Variants in SLC35F1 observed in about 807,000 individuals in gnomAD.
SLC35F1 encodes solute carrier family 35 member F1.
SLC35F1 carries 14 observed loss-of-function variants against 48.7 expected under a neutral mutation model. That is an observed-to-expected ratio of 0.29 (90% confidence interval 0.19 to 0.45). The LOEUF is 0.45. SLC35F1 is among the 20% of genes least tolerant of loss of function. The pLI, the probability that SLC35F1 is intolerant of heterozygous loss-of-function variation, is 1.00. For missense variants in SLC35F1, 404 were observed against 500.0 expected (o/e 0.81, Z 1.83); for synonymous variants, 190 against 202.2 (o/e 0.94, Z 0.51).
At chr6:118,249,316 A>C (rs1775544383) in intron 3 of SLC35F1, among the ~76,000 whole-genome samples, 1 of 152,226 alleles carries the variant, frequency 6.6e-6, no homozygotes, top group South Asian at 2.1e-4. Flanking sequence ...TATCCTGCCC[A>C]GGAGCTGTTC....
intron 1 of SLC35F1, among the ~76,000 whole-genome samples, chr6:118,049,165 A>G (rs1384778120): frequency 6.6e-6 from 1 of 152,208 alleles, no homozygotes; most frequent in Non-Finnish European, 1.5e-5. Context: ...AGCCAAACGT[A>G]GAAAGCTGAA....
chr6:118,025,364 T>G (rs755262135), intron 1 of SLC35F1, among the ~76,000 whole-genome samples: 2 of 152,194 alleles, frequency 1.3e-5, no homozygotes, highest in Non-Finnish European at 2.9e-5. Flanking sequence ...AAAAGTACCC[T>G]TTTTGTCACA....
chr6:118,074,015 A>T lies in SLC35F1; in HGVS notation c.174-80430A>T, dbSNP rs190466582. 3.3e-4 allele frequency among the ~76,000 whole-genome samples: 51 copies of T among 152,328 alleles called. No homozygotes were observed. The East Asian group carries it at 9.4e-3, about 28-fold the overall frequency. The stretch of plus-strand genomic sequence containing the variant: ...AATTGAAAAATGTTTCCTGTTGATT[A>T]TATAAACTCAATTACTTTAGCTTTT... On this transcript the variant is annotated intron_variant, in intron 1 of 7. Transcript: ENST00000360388.
chr6:118,286,805 T>TGTGTGTGTGTGTGTTTG (rs1562351393), intron 7 of SLC35F1, among the ~76,000 whole-genome samples: 6 of 144,104 alleles, frequency 4.2e-5, no homozygotes, highest in African/African-American at 1.6e-4. Flanking sequence ...GTGTGTGTGT[T>TGTGTGTGTGTGTGTTTG]TGTGTGTGTG....
rs7740116 is a variant in SLC35F1 at position 118,259,030 on chromosome 6, T to C, written c.478-7965T>C. On this transcript the variant is annotated intron_variant, in intron 3 of 7. Coordinates refer to ENST00000360388, the MANE Select transcript of SLC35F1 (RefSeq NM_001029858.4). ...AAATAAATATTTAAACCCATAATTT[T>C]TTTAAAGCTATAAAAAATTTTCAAC... 3.9e-3 allele frequency among the ~76,000 whole-genome samples: 585 copies of C among 151,890 alleles called. 6 individuals are homozygous for C. The highest frequency in any genetic ancestry group is 9.0e-3 in the Admixed American group (138 of 15,252).
At chr6:117,912,472 G>A (rs771445551) in intron 1 of SLC35F1, among the ~76,000 whole-genome samples, 2 of 152,182 alleles carry the variant, frequency 1.3e-5, no homozygotes, top group Non-Finnish European at 2.9e-5. Flanking sequence ...CATACAGTTG[G>A]TGGAAACATA....
intron 1 of SLC35F1, among the ~76,000 whole-genome samples, chr6:118,084,655 G>A (rs1772958852): frequency 6.6e-6 from 1 of 152,082 alleles, no homozygotes; most frequent in South Asian, 2.1e-4. Context: ...GGTTTCAAAG[G>A]TAGGTGATCC....
intron 2 of SLC35F1, among the ~76,000 whole-genome samples, chr6:118,229,978 A>G (rs1775266586): frequency 6.6e-6 from 1 of 152,128 alleles, no homozygotes; most frequent in South Asian, 2.1e-4. Context: ...CATTTGCCAT[A>G]CTCTACAGTC....
chr6:118,313,504 A>G (rs1776394456), intron 7 of SLC35F1, among the ~76,000 whole-genome samples: 1 of 152,220 alleles, frequency 6.6e-6, no homozygotes. Context: ...TCTTGCAAAG[A>G]TATTTACCAA....
At chr6:118,054,835 G>A (rs1772441011) in intron 1 of SLC35F1, among the ~76,000 whole-genome samples, 1 of 151,690 alleles carries the variant, frequency 6.6e-6, no homozygotes, top group Non-Finnish European at 1.5e-5. Context: ...TGGAGGCAGT[G>A]GCGCGATCTC....
At chr6:117,923,697 A>G (rs1294925021) in intron 1 of SLC35F1, among the ~76,000 whole-genome samples, 1 of 97,300 alleles carries the variant, frequency 1.0e-5, no homozygotes, top group African/African-American at 3.9e-5. Flanking sequence ...ATATGTACAT[A>G]TACATATATG....
chr6:118,106,147 C>T (rs2114373868), intron 1 of SLC35F1, among the ~76,000 whole-genome samples: 1 of 152,182 alleles, frequency 6.6e-6, no homozygotes, highest in African/African-American at 2.4e-5. Flanking sequence ...TGGTACCTGT[C>T]CTCTCCTCCT....
At chr6:118,203,130 T>C (rs1774891851) in intron 2 of SLC35F1, among the ~76,000 whole-genome samples, 1 of 152,228 alleles carries the variant, frequency 6.6e-6, no homozygotes, top group South Asian at 2.1e-4. Flanking sequence ...ATGACTGAGT[T>C]GAGAGTTTCC....
intron 1 of SLC35F1, among the ~76,000 whole-genome samples, chr6:118,047,184 A>G (rs1772313310): frequency 6.6e-6 from 1 of 152,178 alleles, no homozygotes; most frequent in Non-Finnish European, 1.5e-5. Flanking sequence ...TACGCCATCA[A>G]TTCCAACTGA....
intron 1 of SLC35F1, among the ~76,000 whole-genome samples, chr6:117,979,507 A>T (rs899606188): frequency 6.6e-6 from 1 of 152,228 alleles, no homozygotes; most frequent in African/African-American, 2.4e-5. Context: ...CCTAACCTGC[A>T]TCTAGAAAAT....
chr6:118,183,418 C>T (rs1774610834), intron 2 of SLC35F1, among the ~76,000 whole-genome samples: 1 of 151,796 alleles, frequency 6.6e-6, no homozygotes, highest in Non-Finnish European at 1.5e-5. Flanking sequence ...TGCAGCACAC[C>T]AGCATGGCAC....
chr6:118,022,896 G>A (rs985895798), intron 1 of SLC35F1, among the ~76,000 whole-genome samples: 4 of 151,942 alleles, frequency 2.6e-5, no homozygotes, highest in African/African-American at 7.3e-5. Flanking sequence ...GACTACAGGC[G>A]TGTACCACTA....
intron 1 of SLC35F1, among the ~76,000 whole-genome samples, chr6:117,990,820 G>A (rs1423411199): frequency 1.3e-5 from 2 of 152,162 alleles, no homozygotes; most frequent in Non-Finnish European, 2.9e-5. Context: ...AGACTCAGCT[G>A]GGGTGGCTGG....
At chr6:118,133,601 G>T (rs981950342) in intron 1 of SLC35F1, among the ~76,000 whole-genome samples, 5 of 152,144 alleles carry the variant, frequency 3.3e-5, no homozygotes, top group Admixed American at 6.5e-5. Context: ...TTTTCATTTT[G>T]GAGTTAAATT....
Sources: gnomAD v4.1 joint callset for allele counts (sites outside exome capture counted in the v4.1 genomes callset) on GRCh38, gnomAD v4.1.1 for gene constraint, MANE v1.5 for transcripts, NCBI Gene and HGNC (gene_info 2026-07-23, HGNC 2026-07-21) for gene names.